ZNF658: variants seen among roughly 807,000 people sequenced by gnomAD.
The protein encoded by ZNF658 is zinc finger protein 658.
Under a neutral mutation model 78.0 loss-of-function variants are expected in ZNF658, and 46 were observed. The observed-to-expected ratio is 0.59, with a 90% CI of 0.47 to 0.75. The LOEUF is 0.75. Ranked by LOEUF, ZNF658 falls within the 30% of genes least tolerant of loss-of-function variation. The probability of loss-of-function intolerance (pLI) is 0.00; values close to 1 mark genes in which losing one functional copy is unlikely to be tolerated. For synonymous variants in ZNF658, 279 were observed against 408.4 expected, an observed-to-expected ratio of 0.68 and a Z score of 3.82; for missense variants, 785 against 1,189.3, an observed-to-expected ratio of 0.66 and a Z score of 5.00.
chr9:66,925,548 G>A (rs1822577846), downstream of ZNF658, among the ~76,000 whole-genome samples: 1 of 151,766 alleles, frequency 6.6e-6, no homozygotes. Flanking sequence ...GAAAGAAATA[G>A]GAAATTTAAA....
intron 1 of ZNF658, among the ~76,000 whole-genome samples, chr9:66,901,259 G>A (rs997660429): frequency 5.9e-5 from 9 of 152,202 alleles, no homozygotes; most frequent in African/African-American, 2.2e-4. Context: ...TGGTATAAAC[G>A]TTCCATTTTA....
intron 4 of ZNF658, among the ~76,000 whole-genome samples, chr9:66,913,307 C>T (rs1265659169): frequency 6.6e-6 from 1 of 151,948 alleles, no homozygotes; most frequent in African/African-American, 2.4e-5. Context: ...TGCCTGTAAT[C>T]CCAGGTACTC....
At chr9:66,904,990 T>A (rs924363341) in intron 2 of ZNF658, among the ~76,000 whole-genome samples, 2 of 151,218 alleles carry the variant, frequency 1.3e-5, no homozygotes, top group African/African-American at 4.9e-5. Flanking sequence ...GCTTTCCGAT[T>A]GTCTGTCTTT....
In ZNF658 at chr9:66,911,676, C is replaced by T. The variant is rs1268875392; in HGVS notation, c.238+2942C>T. Among the ~76,000 whole-genome samples the T allele has an allele frequency of 2.0e-5, 2 of 97,888 alleles. 1 individual carries two copies. The highest frequency in any genetic ancestry group is 1.2e-4 in the African/African-American group (2 of 16,910). 64.2% of individuals were successfully genotyped at this position (97,888 alleles called of 152,430 possible). A position where few individuals can be genotyped will look rare whatever the true frequency, so the allele number is the denominator to read the frequency against. The stretch of plus-strand genomic sequence containing the variant: ...AAACACCTATATAATAAATTCAAGT[C>T]AGGATACATCTGTAAAGAGATAACG... On this transcript the variant is annotated intron_variant, in intron 4 of 4. Transcript: ENST00000621410.
rs1428677896 is a variant in ZNF658, at chr9:66,908,735, G to T, written c.238+1G>T. On this transcript the variant is annotated splice_donor_variant, in intron 4 of 4. Coordinates refer to ENST00000621410, the MANE Select transcript of ZNF658 (RefSeq NM_033160.7). LOFTEE classifies it high-confidence loss of function. ...GAATTCCTGAACCAGAGGTACCCAG[G>T]TGAGTGGGCATTAACAGAAGGAGCC... is the stretch of plus-strand genomic sequence containing the variant. The T allele has an allele frequency of 1.2e-6, 2 of 1,610,566 alleles. No individual in the cohort carries two copies. The highest frequency in any genetic ancestry group is 1.7e-6 in the Non-Finnish European group (2 of 1,178,788).
In ZNF658 at chr9:66,914,589, A is replaced by G. The variant is rs371232859; in HGVS notation, c.239-3216A>G. Among the ~76,000 whole-genome samples, 14 of 152,240 alleles carry G rather than the reference A, an allele frequency of 9.2e-5. No homozygotes were observed. The South Asian group carries it at 2.9e-3, about 32-fold the overall frequency. ...ATAATGTTAGTTATAGGCTTTTTAT[A>G]GATTACTTTTATTAAATTAATAAAT... is the stretch of plus-strand genomic sequence containing the variant. On this transcript the variant is annotated intron_variant, in intron 4 of 4. Coordinates refer to ENST00000621410, the MANE Select transcript of ZNF658 (RefSeq NM_033160.7).
downstream of ZNF658, among the ~76,000 whole-genome samples, chr9:66,923,232 G>A (rs1822553014): frequency 6.6e-6 from 1 of 151,612 alleles, no homozygotes; most frequent in East Asian, 2.0e-4. Context: ...AATGTTCAAA[G>A]CCAGGAAGCA....
chr9:66,913,244 G>C (rs1191326147), intron 4 of ZNF658, among the ~76,000 whole-genome samples: 1 of 151,134 alleles, frequency 6.6e-6, no homozygotes, highest in East Asian at 1.9e-4. Flanking sequence ...GACCAACGTT[G>C]CAAAACCCCA....
In ZNF658 at chr9:66,920,226, G is replaced by T. The variant is rs1299047406; in HGVS notation, c.2660G>T (p.Cys887Phe). 6 of 1,612,820 alleles carry T rather than the reference G, an allele frequency of 3.7e-6. No individual in the cohort carries two copies. Among genetic ancestry groups the T allele is most frequent in the Non-Finnish European group, 5.1e-6 (6 of 1,179,754 alleles). ...TGEKPYECND[C>F]GKTFSKTSHL... ...GAGAAACCCTATGAATGTAATGACT[G>T]TGGGAAGACTTTCTCCAAGACATCA... The change falls in exon 5 of 5, where the codon TGT (cysteine) becomes TTT (phenylalanine). Residue 887 changes from cysteine (C) to phenylalanine (F), a missense_variant. By Grantham distance (205) the Cys-to-Phe change is radical. Coordinates refer to ENST00000621410, the MANE Select transcript of ZNF658 (RefSeq NM_033160.7).
Position 66,918,289 on chromosome 9 carries a change from G to A in ZNF658, c.723G>A (p.Lys241=), listed in dbSNP as rs1457085972. ...CTCAGAGTTTTCTAACAGGAGAAAA[G>A]TCCTGTAAGGATGATGAATTTAGAA... ...ITPQSFLTGE[K]SCKDDEFRKN... is the part of the protein sequence containing the mutation. Residue 241 remains lysine, a synonymous_variant, in exon 5 of 5, where the codon AAG becomes AAA. Coordinates refer to ENST00000621410, the MANE Select transcript of ZNF658 (RefSeq NM_033160.7). 6.2e-7 allele frequency: 1 copy of A among 1,613,782 alleles called. No individual in the cohort carries two copies. Among genetic ancestry groups the A allele is most frequent in the Admixed American group, 1.7e-5 (1 of 59,994 alleles).
downstream of ZNF658, among the ~76,000 whole-genome samples, chr9:66,925,595 A>T (rs1022384415): frequency 6.6e-6 from 1 of 151,818 alleles, no homozygotes; most frequent in African/African-American, 2.4e-5. Context: ...AATCAGTAAT[A>T]AAAAAAACTC....
chr9:66,901,971 A>G (rs556167484), intron 1 of ZNF658, among the ~76,000 whole-genome samples: 6 of 152,266 alleles, frequency 3.9e-5, no homozygotes, highest in African/African-American at 1.2e-4. Flanking sequence ...AGAATTTTTC[A>G]GTAGCTACAG....
At chr9:66,921,993 C>A (rs2118119924), downstream of ZNF658, among the ~76,000 whole-genome samples, 1 of 99,542 alleles carries the variant, frequency 1.0e-5, no homozygotes, top group South Asian at 4.2e-4. Context: ...CTGTGGTGGG[C>A]TCCACCCAGT....
At chr9:66,931,040 A>T (rs1822638437) in intron 6 of ZNF658, among the ~76,000 whole-genome samples, 1 of 152,046 alleles carries the variant, frequency 6.6e-6, no homozygotes, top group Admixed American at 6.6e-5. Flanking sequence ...GCACATGAGA[A>T]ATGATTATTG....
At chr9:66,917,240 G>C (rs62561233) in intron 4 of ZNF658, among the ~76,000 whole-genome samples, 59,195 of 80,012 alleles carry the variant, frequency 0.74, 22,841 homozygotes, top group East Asian at 0.85. Flanking sequence ...TGTTTTTTCT[G>C]TAGGGATTTT....
At chr9:66,910,988 A>C (rs997941693) in intron 4 of ZNF658, among the ~76,000 whole-genome samples, 1 of 151,360 alleles carries the variant, frequency 6.6e-6, no homozygotes, top group Non-Finnish European at 1.5e-5. Flanking sequence ...AAATAATATA[A>C]TATCAATGTT....
downstream of ZNF658, chr9:66,924,242 G>C (rs200851508): frequency 0.2 from 84,048 of 423,186 alleles, 8,790 homozygotes; most frequent in East Asian, 0.38. Flanking sequence ...CTGTCATGTT[G>C]GTATCTTAAT....
chr9:66,915,409 AAAGAG>A (rs1314665058), intron 4 of ZNF658, among the ~76,000 whole-genome samples: 5 of 151,762 alleles, frequency 3.3e-5, no homozygotes, highest in East Asian at 3.9e-4. Context: ...AAAAAAAAAA[AAAGAG>A]AGAGACTAGA....
At chr9:66,903,748 C>A (rs1156454443) in intron 2 of ZNF658, among the ~76,000 whole-genome samples, 172 bp downstream of exon 2, 1 of 152,072 alleles carries the variant, frequency 6.6e-6, no homozygotes, top group Non-Finnish European at 1.5e-5. Context: ...GATGCAGATC[C>A]TCCGATATTA....
Sources: allele counts gnomAD v4.1 joint callset (sites outside exome capture counted in the v4.1 genomes callset), GRCh38; gene constraint gnomAD v4.1.1; transcripts MANE v1.5; gene names NCBI Gene and HGNC (gene_info 2026-07-23, HGNC 2026-07-21).